ANK2: variants seen among roughly 807,000 people sequenced by gnomAD.
ANK2 encodes ankyrin 2, also known as ankyrin-2.
Under a neutral mutation model 360.5 loss-of-function variants are expected in ANK2, and 83 were observed. The observed-to-expected ratio is 0.23, with a 90% confidence interval of 0.19 to 0.28. The LOEUF (loss-of-function observed/expected upper bound fraction) is 0.28. ANK2 is among the 10% of genes least tolerant of loss of function. The pLI, the probability that ANK2 is intolerant of heterozygous loss-of-function variation, is 1.00. For synonymous variants in ANK2, 1,740 were observed against 1,759.5 expected, an observed-to-expected ratio of 0.99 and a Z score of 0.28; for missense variants, 4,201 against 4,795.7, an observed-to-expected ratio of 0.88 and a Z score of 3.66.
At chr4:112,808,945 T>TC in the ANK2 span, among the ~76,000 whole-genome samples, 1 of 151,952 alleles carries the variant, frequency 6.6e-6, no homozygotes, top group Non-Finnish European at 1.5e-5. Context: ...GCAACCTCTG[T>TC]CCCCCTGGAT....
At chr4:113,299,853 T>C (rs2074039260) in intron 22 of ANK2, among the ~76,000 whole-genome samples, 1 of 152,102 alleles carries the variant, frequency 6.6e-6, no homozygotes, top group Non-Finnish European at 1.5e-5. Flanking sequence ...TAAACCCACC[T>C]AAGGAACCTT....
intron 2 of ANK2, among the ~76,000 whole-genome samples, chr4:112,920,137 C>T (rs1657206151): frequency 6.6e-6 from 1 of 152,138 alleles, no homozygotes; most frequent in Admixed American, 6.5e-5. Context: ...TCTCTTGCCT[C>T]TAAGCCCAGG....
At chr4:112,756,188 A>C in the ANK2 span, among the ~76,000 whole-genome samples, 1 of 146,878 alleles carries the variant, frequency 6.8e-6, no homozygotes, top group Non-Finnish European at 1.5e-5. Flanking sequence ...CAGTGAGCCG[A>C]GATCACACCA....
At chr4:112,744,744 A>C in the ANK2 span, among the ~76,000 whole-genome samples, 1 of 152,206 alleles carries the variant, frequency 6.6e-6, no homozygotes, top group Admixed American at 6.5e-5. Context: ...TTTTGGCACA[A>C]ATTTGTATTC....
Position 113,230,991 on chromosome 4 carries a change from C to G in ANK2, c.385-1170C>G, listed in dbSNP as rs140669155. Among the ~76,000 whole-genome samples, 1,326 of 151,406 alleles carry G rather than the reference C, an allele frequency of 8.8e-3. 12 individuals carry two copies. The highest frequency in any genetic ancestry group is 0.014 in the Non-Finnish European group (920 of 67,894). ...TTTAAAAAACAATATAAAGATGTTC[C>G]ATATAAACCATGCTGCCTCAGTCAC... On this transcript the variant is annotated intron_variant, in intron 4 of 45. Coordinates refer to ENST00000357077, the MANE Select transcript of ANK2 (RefSeq NM_001148.6).
At chr4:112,998,131 A>G (rs182673132) in intron 2 of ANK2, among the ~76,000 whole-genome samples, 3 of 152,230 alleles carry the variant, frequency 2.0e-5, no homozygotes, top group Admixed American at 1.3e-4. Flanking sequence ...GACAGTGTCC[A>G]ACACACTGTG....
At chr4:113,183,084 A>C (rs2098449216) in intron 2 of ANK2, among the ~76,000 whole-genome samples, 1 of 152,000 alleles carries the variant, frequency 6.6e-6, no homozygotes, top group Non-Finnish European at 1.5e-5. Context: ...GGAAAAGGAA[A>C]GATGTATGGG....
At chr4:112,986,491 T>C (rs13141212) in intron 2 of ANK2, among the ~76,000 whole-genome samples, 39,683 of 151,988 alleles carry the variant, frequency 0.26, 5,462 homozygotes, top group East Asian at 0.44. Context: ...TTACTCCAGT[T>C]AGGGAACTGT....
At chr4:112,822,804 T>G (rs2057495995) in intron 1 of ANK2, among the ~76,000 whole-genome samples, 1 of 152,138 alleles carries the variant, frequency 6.6e-6, no homozygotes, top group African/African-American at 2.4e-5. Context: ...AAAAGATGTT[T>G]AATTCAAAAT....
Position 112,976,033 on chromosome 4 carries a change from G to A in ANK2, c.21+71519G>A, listed in dbSNP as rs115489805. ...TTGAAAATTGAATATGCTCACACAT[G>A]CTCTGACATTTTTTTTCATTTTATG... On this transcript the variant is annotated intron_variant, in intron 2 of 30. Coordinates refer to the ANK2 transcript ENST00000503271. Among the ~76,000 whole-genome samples the A allele has an allele frequency of 1.6e-3, 236 of 152,064 alleles. 2 individuals are homozygous for A. Among genetic ancestry groups the A allele is most frequent in the African/African-American group, 5.5e-3 (227 of 41,460 alleles).
chr4:113,367,992 A>G (rs1202920671), intron 42 of ANK2, 141 bp downstream of exon 42: 4 of 1,024,618 alleles, frequency 3.9e-6, no homozygotes, highest in Admixed American at 4.8e-5. Flanking sequence ...CTAAAGGGGA[A>G]AAAAAAAGCG....
intron 2 of ANK2, among the ~76,000 whole-genome samples, chr4:112,998,205 GC>G (rs947960377): frequency 1.3e-5 from 2 of 151,950 alleles, no homozygotes. Context: ...AGGTACATTT[GC>G]CTGTTTTGCC....
In ANK2 at chr4:112,964,601, C is replaced by T. The variant is rs140250465; in HGVS notation, c.21+60087C>T. ...TTTTTTTTTTTTTGAGACAGAGTCT[C>T]GCTCTGTTGCCCAGGCTGGAGTGCA... is the stretch of plus-strand genomic sequence containing the variant. On this transcript the variant is annotated intron_variant, in intron 2 of 30. Coordinates refer to the ANK2 transcript ENST00000503271. Among the ~76,000 whole-genome samples the T allele has an allele frequency of 9.8e-3, 1,427 of 146,290 alleles. 97 individuals are homozygous for T. In the East Asian group the frequency reaches 0.19, roughly 19 times the overall value.
intron 2 of ANK2, among the ~76,000 whole-genome samples, chr4:113,183,488 G>A (rs1419649446): frequency 2.0e-5 from 3 of 152,128 alleles, no homozygotes; most frequent in African/African-American, 7.2e-5. Flanking sequence ...AAACACAAGG[G>A]AACTGAGGAT....
intron 1 of ANK2, among the ~76,000 whole-genome samples, chr4:113,135,349 T>C (rs2096332804): frequency 6.6e-6 from 1 of 151,634 alleles, no homozygotes; most frequent in African/African-American, 2.4e-5. Context: ...GAGGATTAGA[T>C]ATCACGGTCA....
intron 35 of ANK2, among the ~76,000 whole-genome samples, chr4:113,347,068 T>C (rs541997325): frequency 4.0e-4 from 61 of 152,254 alleles, no homozygotes; most frequent in African/African-American, 1.4e-3. Flanking sequence ...AGTAGGAATA[T>C]ATTTAAAATC....
intron 9 of ANK2, among the ~76,000 whole-genome samples, chr4:113,244,047 T>A (rs767590551): frequency 1.3e-5 from 2 of 152,112 alleles, no homozygotes; most frequent in Non-Finnish European, 2.9e-5. Context: ...AAAGTCTAAC[T>A]CCAAATAGAC....
At chr4:113,168,954 C>T (rs1562575780) in intron 1 of ANK2, among the ~76,000 whole-genome samples, 1 of 152,128 alleles carries the variant, frequency 6.6e-6, no homozygotes, top group Non-Finnish European at 1.5e-5. Context: ...TTCATTTTGT[C>T]CTTTTATACC....
intron 2 of ANK2, among the ~76,000 whole-genome samples, chr4:112,954,198 T>TCCTCC (rs2095212833): frequency 6.7e-6 from 1 of 148,894 alleles, no homozygotes. Flanking sequence ...CCTTCATTTC[T>TCCTCC]CCTCCCCTCC....
Sources: allele counts gnomAD v4.1 joint callset (sites outside exome capture counted in the v4.1 genomes callset), GRCh38; gene constraint gnomAD v4.1.1; transcripts MANE v1.5; gene names NCBI Gene and HGNC (gene_info 2026-07-23, HGNC 2026-07-21).